MRPS9: variants seen among roughly 807,000 people sequenced by gnomAD.
The protein encoded by MRPS9 is small ribosomal subunit protein uS9m.
Under a neutral mutation model 59.9 loss-of-function variants are expected in MRPS9, and 45 were observed. The observed-to-expected ratio is 0.75, with a 90% CI of 0.59 to 0.96. The LOEUF is 0.96. Ranked by LOEUF, MRPS9 falls within the 40% of genes least tolerant of loss-of-function variation. The probability of loss-of-function intolerance (pLI) is 0.00; values close to 1 mark genes in which losing one functional copy is unlikely to be tolerated. For synonymous variants in MRPS9, 171 were observed against 166.8 expected (o/e 1.03, Z -0.19); for missense variants, 473 against 481.1 (o/e 0.98, Z 0.16).
intron 2 of MRPS9, among the ~76,000 whole-genome samples, chr2:105,060,316 C>G (rs1033152818): frequency 6.6e-6 from 1 of 152,156 alleles, no homozygotes; most frequent in Non-Finnish European, 1.5e-5. Context: ...GAGTCTTGCT[C>G]TGTTGCCCAG....
At chr2:105,047,575 A>G (rs541695585) in intron 1 of MRPS9, among the ~76,000 whole-genome samples, 16 of 151,960 alleles carry the variant, frequency 1.1e-4, no homozygotes, top group African/African-American at 3.1e-4. Flanking sequence ...GATTCCTAAG[A>G]TTGTGGTTTT....
chr2:105,086,832 G>A (rs2104465302), intron 5 of MRPS9, among the ~76,000 whole-genome samples: 1 of 152,140 alleles, frequency 6.6e-6, no homozygotes, highest in Middle Eastern at 3.4e-3. Flanking sequence ...GTCTGCCTGT[G>A]GTCCAGCCTG....
At chr2:105,065,392 T>C (rs1352574025) in intron 2 of MRPS9, among the ~76,000 whole-genome samples, 1 of 152,220 alleles carries the variant, frequency 6.6e-6, no homozygotes, top group Admixed American at 6.5e-5. Context: ...TCTTGGTCTG[T>C]AAAATGGAGC....
At chr2:105,065,388 T>C (rs1022288891) in intron 2 of MRPS9, among the ~76,000 whole-genome samples, 2 of 152,226 alleles carry the variant, frequency 1.3e-5, no homozygotes, top group African/African-American at 4.8e-5. Flanking sequence ...TGCTTCTTGG[T>C]CTGTAAAATG....
At chr2:105,049,417 T>TCATGAGCCC (rs1405295481) in intron 2 of MRPS9, 67 bp downstream of exon 2, 101 of 1,345,178 alleles carry the variant, frequency 7.5e-5, no homozygotes, top group Non-Finnish European at 1.0e-4. Flanking sequence ...GCACTTTTCT[T>TCATGAGCCC]CATGAGCCCC....
intron 2 of MRPS9, among the ~76,000 whole-genome samples, chr2:105,062,671 A>G (rs993009399): frequency 2.0e-5 from 3 of 152,246 alleles, no homozygotes; most frequent in Non-Finnish European, 4.4e-5. Flanking sequence ...CAGTAACATT[A>G]GTACAGTGCT....
At chr2:105,096,973 A>G (rs1203944467) in intron 9 of MRPS9, 182 bp from the exon 10 acceptor site, 3 of 542,498 alleles carry the variant, frequency 5.5e-6, no homozygotes, top group Non-Finnish European at 8.5e-6. Context: ...TCAGCAAATC[A>G]TTCAAAATGT....
chr2:105,053,873 T>C (rs1679754194), intron 2 of MRPS9, among the ~76,000 whole-genome samples: 1 of 152,210 alleles, frequency 6.6e-6, no homozygotes, highest in Non-Finnish European at 1.5e-5. Context: ...ATTTAGCCAA[T>C]TAAGTAATCA....
Position 105,097,317 on chromosome 2 carries a change from G to A in MRPS9, c.1092G>A (p.Met364Ile). The A allele has an allele frequency of 6.2e-7, 1 of 1,605,510 alleles. No homozygotes were observed. Among genetic ancestry groups the A allele is most frequent in the Non-Finnish European group, 8.5e-7 (1 of 1,175,922 alleles). The change falls in exon 10 of 11, where the codon ATG becomes ATA. Residue 364 changes from methionine (M) to isoleucine (I), a missense_variant. Coordinates refer to ENST00000258455, the MANE Select transcript of MRPS9 (RefSeq NM_182640.3). ...TCACCGAGGACGAGGTCGAGTGGAT[G>A]AGACAAGGTATGAGTCTAGGTGGGA... ...SFVTEDEVEW[M>I]RQAGLLTTDP...
intron 2 of MRPS9, among the ~76,000 whole-genome samples, chr2:105,064,339 C>T (rs183281893): frequency 0.011 from 1,497 of 141,600 alleles, 53 homozygotes; most frequent in Admixed American, 0.061. Context: ...ATTACAGGAC[C>T]AGAATTATGG....
intron 2 of MRPS9, among the ~76,000 whole-genome samples, chr2:105,050,129 TTTTTCTTTTC>T (rs560725640): frequency 6.7e-6 from 1 of 149,756 alleles, no homozygotes; most frequent in African/African-American, 2.4e-5. Flanking sequence ...CAGAAGGATT[TTTTTCTTTTC>T]TTTTCTTTTC....
At chr2:105,069,198 A>G (rs984119906) in intron 2 of MRPS9, among the ~76,000 whole-genome samples, 8 of 146,692 alleles carry the variant, frequency 5.5e-5, no homozygotes, top group Non-Finnish European at 1.0e-4. Flanking sequence ...TTACAAATAT[A>G]GTTTAATTGG....
chr2:105,099,823 A>C lies in MRPS9; in HGVS notation c.*62A>C, dbSNP rs918277045. The stretch of plus-strand genomic sequence containing the variant: ...ATATGTGCCGACATGTGGCAGACAC[A>C]CAGTAAATAATGGCTGACCAGCATG... On this transcript the variant is annotated 3_prime_UTR_variant, in exon 11 of 11. Transcript: ENST00000258455. 6.7e-7 allele frequency: 1 copy of C among 1,490,258 alleles called. No individual in the cohort carries two copies. The highest frequency in any genetic ancestry group is 9.3e-7 in the Non-Finnish European group (1 of 1,073,330). 92.3% of individuals were successfully genotyped at this position (1,490,258 alleles called of 1,614,324 possible). A position where few individuals can be genotyped will look rare whatever the true frequency, so the allele number is the denominator to read the frequency against.
chr2:105,045,459 ATTC>A (rs752939227), intron 1 of MRPS9, among the ~76,000 whole-genome samples: 6 of 152,030 alleles, frequency 3.9e-5, no homozygotes, highest in Non-Finnish European at 8.8e-5. Context: ...TAACTTGGGT[ATTC>A]TCATCTACTA....
At chr2:105,075,633 G>T (rs1273590710) in intron 4 of MRPS9, among the ~76,000 whole-genome samples, 2 of 152,174 alleles carry the variant, frequency 1.3e-5, no homozygotes, top group Non-Finnish European at 2.9e-5. Flanking sequence ...GCTATAGTCT[G>T]TTGTCACTAA....
intron 1 of MRPS9, among the ~76,000 whole-genome samples, chr2:105,040,702 G>A (rs1679485714): frequency 6.6e-6 from 1 of 152,148 alleles, no homozygotes; most frequent in Admixed American, 6.5e-5. Flanking sequence ...GGCAGAAGAG[G>A]CAGTCTTATG....
intron 5 of MRPS9, among the ~76,000 whole-genome samples, chr2:105,087,521 C>T (rs1262789122): frequency 6.6e-6 from 1 of 152,144 alleles, no homozygotes; most frequent in African/African-American, 2.4e-5. Context: ...CTGGTAATGT[C>T]TAGCTCACCA....
At chr2:105,075,882 A>AAAC (rs1680201509) in intron 4 of MRPS9, among the ~76,000 whole-genome samples, 1 of 152,224 alleles carries the variant, frequency 6.6e-6, no homozygotes, top group Non-Finnish European at 1.5e-5. Flanking sequence ...AGACAAACAG[A>AAAC]AACACATCAA....
chr2:105,075,802 C>A (rs1005863763), intron 4 of MRPS9, among the ~76,000 whole-genome samples: 1 of 151,948 alleles, frequency 6.6e-6, no homozygotes, highest in African/African-American at 2.4e-5. Flanking sequence ...CAAAATTGAG[C>A]ATTAATTTTT....
Sources: gnomAD v4.1 joint callset for allele counts (sites outside exome capture counted in the v4.1 genomes callset) on GRCh38, gnomAD v4.1.1 for gene constraint, MANE v1.5 for transcripts, NCBI Gene and HGNC (gene_info 2026-07-23, HGNC 2026-07-21) for gene names.